The following LAMC3 variants were observed in gnomAD, a reference collection of about 807,000 sequenced individuals.
LAMC3 encodes laminin subunit gamma 3.
LAMC3 carries 128 observed loss-of-function variants against 173.8 expected under a neutral mutation model. That is an observed-to-expected ratio of 0.74 (90% CI 0.64 to 0.85). The LOEUF (loss-of-function observed/expected upper bound fraction) is 0.85, where lower values mean the gene tolerates loss of function less well. LAMC3 is among the 40% of genes least tolerant of loss of function. The pLI is 0.00. For missense variants in LAMC3, 2,022 were observed against 2,156.0 expected (o/e 0.94, Z 1.23); for synonymous variants, 897 against 909.1 (o/e 0.99, Z 0.24).
intron 2 of LAMC3, among the ~76,000 whole-genome samples, chr9:131,031,783 G>A (rs1028457309): frequency 3.3e-5 from 5 of 152,136 alleles, no homozygotes; most frequent in African/African-American, 7.2e-5. Context: ...TGCTATTTTT[G>A]TTCCAATTCA....
At chr9:131,031,228 C>T (rs146869472) in intron 2 of LAMC3, among the ~76,000 whole-genome samples, 103 of 152,386 alleles carry the variant, frequency 6.8e-4, no homozygotes, top group African/African-American at 1.9e-3. Flanking sequence ...GGAATCAAAA[C>T]GCTGATTAAT....
At chr9:131,090,389 C>T (rs1830404507) in intron 27 of LAMC3, among the ~76,000 whole-genome samples, 1 of 152,190 alleles carries the variant, frequency 6.6e-6, no homozygotes, top group African/African-American at 2.4e-5. Context: ...AGAGTGGGGG[C>T]TGTAATCCAT....
intron 9 of LAMC3, among the ~76,000 whole-genome samples, 158 bp downstream of exon 9, chr9:131,049,288 C>T (rs543531310): frequency 3.1e-4 from 47 of 152,328 alleles, no homozygotes; most frequent in African/African-American, 1.1e-3. Context: ...ATCAAGGTGT[C>T]AGCAGGGCTG....
rs760855276 is a variant in LAMC3 at position 131,092,155 on chromosome 9, C to T, written c.*368C>T. On this transcript the variant is annotated 3_prime_UTR_variant, in exon 28 of 28. Coordinates refer to ENST00000361069, the MANE Select transcript of LAMC3 (RefSeq NM_006059.4). ...TACGGTCCACACACATTACAGTCCACAGCTGTTGTGAGAGCCACCTGTGTG... is the reference window on the plus strand; with the variant it reads ...TACGGTCCACACACATTACAGTCCATAGCTGTTGTGAGAGCCACCTGTGTG... The T allele has an allele frequency of 5.5e-5, 17 of 310,262 alleles. No individual in the cohort carries two copies. Among genetic ancestry groups the T allele is most frequent in the East Asian group, 2.3e-4 (3 of 12,906 alleles). The allele number at this position is 310,262 out of a possible 1,614,324, so 19.2% of individuals were successfully genotyped here. A position where few individuals can be genotyped will look rare whatever the true frequency, so the allele number is the denominator to read the frequency against.
rs750635135 is a variant in LAMC3, at chr9:131,067,085, G to C, written c.2473G>C (p.Asp825His). 8 of 1,614,032 alleles carry C rather than the reference G, an allele frequency of 5.0e-6. No individual in the cohort carries two copies. In the African/African-American group the frequency reaches 5.3e-5, roughly 11 times the overall value. The change falls in exon 14 of 28, where the codon GAC becomes CAC. Residue 825 changes from aspartate to histidine, a missense_variant. Transcript: ENST00000361069. ...GGACCCCAATGCCGTGGGCAACTGT[G>C]ACCCCCTGTCTGGCCACTGCCTGCG... ...NVDPNAVGNCDPLSGHCLRCL... is the reference protein window; with the variant it reads ...NVDPNAVGNCHPLSGHCLRCL...
At chr9:131,082,925 C>T (rs538274778) in intron 24 of LAMC3, among the ~76,000 whole-genome samples, 33 of 152,342 alleles carry the variant, frequency 2.2e-4, no homozygotes, top group African/African-American at 6.5e-4. Flanking sequence ...GCTGTGGACC[C>T]AGCCCCTCTG....
intron 2 of LAMC3, among the ~76,000 whole-genome samples, chr9:131,027,621 A>G (rs1451700407): frequency 2.0e-5 from 3 of 151,350 alleles, no homozygotes. Context: ...ATTATTAAAT[A>G]TTAATAAATT....
intron 23 of LAMC3, among the ~76,000 whole-genome samples, chr9:131,079,663 C>T (rs1053572276): frequency 6.6e-6 from 1 of 151,960 alleles, no homozygotes; most frequent in Non-Finnish European, 1.5e-5. Flanking sequence ...CACTGCACTC[C>T]AGTCTGGCAA....
At chr9:131,054,828 A>AGGGG (rs113108990) in intron 11 of LAMC3, among the ~76,000 whole-genome samples, 1 of 145,086 alleles carries the variant, frequency 6.9e-6, no homozygotes, top group African/African-American at 2.6e-5. Flanking sequence ...AAGAAAGAAG[A>AGGGG]AGGGAGGGAG....
At chr9:131,023,555 T>G (rs181048985) in intron 1 of LAMC3, among the ~76,000 whole-genome samples, 4 of 152,372 alleles carry the variant, frequency 2.6e-5, no homozygotes, top group Admixed American at 2.0e-4. Context: ...CTTGTGTTTC[T>G]TGGCCATTCA....
At chr9:131,053,990 G>A (rs1257120936) in intron 11 of LAMC3, among the ~76,000 whole-genome samples, 2 of 150,382 alleles carry the variant, frequency 1.3e-5, no homozygotes, top group Admixed American at 6.7e-5. Context: ...GTGACAAAGC[G>A]AGACCTTGTC....
intron 20 of LAMC3, among the ~76,000 whole-genome samples, chr9:131,074,007 C>A (rs1318950957): frequency 7.1e-6 from 1 of 141,246 alleles, no homozygotes; most frequent in Non-Finnish European, 1.5e-5. Context: ...AGTGCAGTGG[C>A]GCTATCTCGG....
intron 6 of LAMC3, among the ~76,000 whole-genome samples, chr9:131,039,824 G>C (rs980164474): frequency 5.3e-5 from 8 of 152,122 alleles, no homozygotes; most frequent in African/African-American, 1.7e-4. Flanking sequence ...GGGGAGCGGG[G>C]TGGGAGAGGC....
chr9:131,031,569 C>T (rs34731012), intron 2 of LAMC3, among the ~76,000 whole-genome samples: 17,611 of 152,156 alleles, frequency 0.12, 1,354 homozygotes, highest in Middle Eastern at 0.24. Flanking sequence ...GAGAAGGTTG[C>T]GGGGGCACAC....
At chr9:131,048,650 G>A in intron 8 of LAMC3, among the ~76,000 whole-genome samples, 1 of 152,128 alleles carries the variant, frequency 6.6e-6, no homozygotes, top group East Asian at 1.9e-4. Context: ...CTAACCAGGT[G>A]GCCTCCTTGC....
chr9:131,093,785 C>G lies in LAMC3; in HGVS notation c.*1998C>G, dbSNP rs1055733787. On this transcript the variant is annotated 3_prime_UTR_variant, in exon 28 of 28. Coordinates refer to ENST00000361069, the MANE Select transcript of LAMC3 (RefSeq NM_006059.4). ...TCTTGGTCTGTGTCTCTGCTCTCCT[C>G]TCCTGTATCTGCTTCGTTCTTTTCT... is the stretch of plus-strand genomic sequence containing the variant. 6.6e-6 allele frequency: 1 copy of G among 152,414 alleles called. No homozygotes were observed. Among genetic ancestry groups the G allele is most frequent in the African/African-American group, 2.4e-5 (1 of 41,432 alleles). The allele number at this position is 152,414 out of a possible 1,614,324, so 9.4% of individuals were successfully genotyped here.
chr9:131,039,533 G>A (rs976089010), intron 6 of LAMC3, among the ~76,000 whole-genome samples: 1 of 152,088 alleles, frequency 6.6e-6, no homozygotes, highest in African/African-American at 2.4e-5. Flanking sequence ...GGGAAGGACA[G>A]GTGTTTGAGG....
intron 1 of LAMC3, among the ~76,000 whole-genome samples, chr9:131,020,032 T>C (rs1244268031): frequency 6.6e-6 from 1 of 151,968 alleles, no homozygotes; most frequent in Non-Finnish European, 1.5e-5. Context: ...CCAAGCAGAA[T>C]GAGCTCAGTA....
chr9:131,072,534 G>A, intron 18 of LAMC3, 96 bp from the exon 19 acceptor site: 2 of 990,480 alleles, frequency 2.0e-6, no homozygotes, highest in South Asian at 1.4e-5. Context: ...GCTGATGCCT[G>A]GGGAATGGAG....
Sources: allele counts gnomAD v4.1 joint callset (sites outside exome capture counted in the v4.1 genomes callset), GRCh38; gene constraint gnomAD v4.1.1; transcripts MANE v1.5; gene names NCBI Gene and HGNC (gene_info 2026-07-23, HGNC 2026-07-21).